Variants in STK32B observed in about 807,000 individuals in gnomAD.
STK32B encodes the protein serine/threonine kinase 32B, also known as serine/threonine-protein kinase 32B.
Under a neutral mutation model 52.6 loss-of-function variants are expected in STK32B, and 43 were observed. The ratio of observed to expected loss-of-function variants is 0.82; its 90% confidence interval spans 0.64 to 1.05. The LOEUF is 1.05. STK32B is among the 50% of genes least tolerant of loss of function. The pLI, the probability that STK32B is intolerant of heterozygous loss-of-function variation, is 0.00. For synonymous variants in STK32B, 238 were observed against 204.3 expected, an observed-to-expected ratio of 1.17 and a Z score of -1.41; for missense variants, 621 against 534.6, an observed-to-expected ratio of 1.16 and a Z score of -1.59.
intron 3 of STK32B, among the ~76,000 whole-genome samples, chr4:5,242,007 T>C (rs1725066245): frequency 6.6e-6 from 1 of 152,216 alleles, no homozygotes. Flanking sequence ...TCCAAGTCTT[T>C]GCTATTGTGA....
intron 4 of STK32B, among the ~76,000 whole-genome samples, chr4:5,347,205 G>A (rs1031370329): frequency 2.0e-5 from 3 of 152,202 alleles, no homozygotes; most frequent in African/African-American, 7.2e-5. Flanking sequence ...AAGCTCTACA[G>A]TTAGAAGCTG....
intron 5 of STK32B, among the ~76,000 whole-genome samples, chr4:5,409,254 C>T (rs1458727749): frequency 1.3e-5 from 2 of 152,040 alleles, no homozygotes; most frequent in African/African-American, 2.4e-5. Context: ...TCTTGTGATA[C>T]AGGAGGTAGC....
At chr4:5,100,762 TCCCTCCC>T in intron 1 of STK32B, among the ~76,000 whole-genome samples, 1 of 74,492 alleles carries the variant, frequency 1.3e-5, no homozygotes. Context: ...CCCTCCCTCC[TCCCTCCC>T]TCCTTCCCTT....
chr4:5,026,686 G>A, the STK32B span, among the ~76,000 whole-genome samples: 1 of 152,186 alleles, frequency 6.6e-6, no homozygotes, highest in Admixed American at 6.5e-5. Flanking sequence ...ACAGCAACCT[G>A]CTGTTGGCTG....
chr4:5,390,579 T>A (rs184018384), intron 4 of STK32B, among the ~76,000 whole-genome samples: 2 of 152,240 alleles, frequency 1.3e-5, no homozygotes, highest in East Asian at 3.9e-4. Context: ...GTCTCTGTCT[T>A]CAGGTGGCCT....
At chr4:5,049,519 T>A (rs1226870855), upstream of STK32B, among the ~76,000 whole-genome samples, 1 of 152,072 alleles carries the variant, frequency 6.6e-6, no homozygotes, top group Non-Finnish European at 1.5e-5. Context: ...AAAATTAAAG[T>A]CAAAGGGGTT....
intron 3 of STK32B, among the ~76,000 whole-genome samples, chr4:5,190,537 A>C (rs963441802): frequency 6.6e-6 from 1 of 152,152 alleles, no homozygotes; most frequent in Non-Finnish European, 1.5e-5. Flanking sequence ...AGCACCTACT[A>C]TGTACTGGGC....
In STK32B at chr4:5,400,034, C is replaced by A. The variant is rs1737189057; in HGVS notation, c.472+1790C>A. Among the ~76,000 whole-genome samples, 1 of 152,156 alleles carries A rather than the reference C, an allele frequency of 6.6e-6. No homozygotes were observed. Among genetic ancestry groups the A allele is most frequent in the South Asian group, 2.1e-4 (1 of 4,828 alleles). On this transcript the variant is annotated intron_variant, in intron 5 of 11. Transcript: ENST00000282908. The surrounding 1 kb of genome is among the most constrained non-coding windows in gnomAD (Gnocchi z 6.1). ...AGACCGCTAGGGGGAGACTTCCTGG[C>A]CCTGCAAAGCGGTCCAGAAGCAAAA...
chr4:5,457,212 C>CTT (rs1230307057), intron 8 of STK32B, among the ~76,000 whole-genome samples: 3,399 of 114,922 alleles, frequency 0.03, 210 homozygotes, highest in African/African-American at 0.1. Flanking sequence ...TTTTTTTTTT[C>CTT]TTTTTTTTTT....
chr4:5,316,883 T>A (rs561408755), intron 3 of STK32B, among the ~76,000 whole-genome samples: 1 of 2,900 alleles, frequency 3.4e-4, no homozygotes, highest in Non-Finnish European at 4.4e-4. Flanking sequence ...TATAATATAT[T>A]ATATATATTA....
At chr4:5,024,034 A>C in the STK32B span, among the ~76,000 whole-genome samples, 1 of 152,188 alleles carries the variant, frequency 6.6e-6, no homozygotes, top group Non-Finnish European at 1.5e-5. Flanking sequence ...GAAAATATAG[A>C]GGGAATCTGG....
intron 3 of STK32B, among the ~76,000 whole-genome samples, chr4:5,195,576 C>T (rs1408113922): frequency 6.6e-6 from 1 of 152,106 alleles, no homozygotes; most frequent in Non-Finnish European, 1.5e-5. Context: ...GCCTGTAATT[C>T]CAGCTACTTG....
At chr4:5,459,285 C>CCG (rs1553894409) in intron 8 of STK32B, among the ~76,000 whole-genome samples, 7 of 54,656 alleles carry the variant, frequency 1.3e-4, no homozygotes, top group African/African-American at 5.6e-4. Flanking sequence ...CTGGTGTGCC[C>CCG]CCCCCCCCCA....
chr4:5,288,160 G>A (rs1190859108), intron 3 of STK32B, among the ~76,000 whole-genome samples: 3 of 152,132 alleles, frequency 2.0e-5, no homozygotes, highest in Admixed American at 6.5e-5. Flanking sequence ...TTGATGGAGT[G>A]TTTCAATTGT....
intron 3 of STK32B, among the ~76,000 whole-genome samples, chr4:5,249,141 C>G (rs1725693494): frequency 6.6e-6 from 1 of 152,130 alleles, no homozygotes; most frequent in Non-Finnish European, 1.5e-5. Flanking sequence ...TGTGCTAACA[C>G]CATTGCTCTC....
At chr4:5,281,362 G>A (rs1056975877) in intron 3 of STK32B, among the ~76,000 whole-genome samples, 3 of 152,134 alleles carry the variant, frequency 2.0e-5, no homozygotes, top group African/African-American at 7.2e-5. Flanking sequence ...AACACTGCAT[G>A]TTCTCACTCG....
intron 4 of STK32B, among the ~76,000 whole-genome samples, chr4:5,336,688 G>T (rs1208307085): frequency 1.3e-5 from 2 of 151,812 alleles, no homozygotes; most frequent in African/African-American, 2.4e-5. Context: ...AGAGTAAAAA[G>T]ACAAAAAGAA....
intron 1 of STK32B, among the ~76,000 whole-genome samples, chr4:5,110,799 A>G (rs1714363698): frequency 6.6e-6 from 1 of 152,140 alleles, no homozygotes; most frequent in African/African-American, 2.4e-5. Context: ...GCATAGCAAA[A>G]GAAATAATCA....
intron 5 of STK32B, among the ~76,000 whole-genome samples, chr4:5,415,296 A>G (rs756925974): frequency 3.9e-5 from 6 of 152,198 alleles, no homozygotes; most frequent in Non-Finnish European, 7.3e-5. Flanking sequence ...TGGGTATTTT[A>G]TTATCATCAT....
Sources: gnomAD v4.1 joint callset for allele counts (sites outside exome capture counted in the v4.1 genomes callset) on GRCh38, gnomAD v4.1.1 for gene constraint, Gnocchi (gnomAD v3.1) non-coding constraint, MANE v1.5 for transcripts, NCBI Gene and HGNC (gene_info 2026-07-23, HGNC 2026-07-21) for gene names.